The following RBMS3 variants were observed in gnomAD, a reference collection of about 807,000 sequenced individuals.
The protein encoded by RBMS3 is RNA binding motif single stranded interacting protein 3.
Under a neutral mutation model 66.8 loss-of-function variants are expected in RBMS3, and 27 were observed. That is an observed-to-expected ratio of 0.40 (90% CI 0.30 to 0.56). RBMS3 has a LOEUF of 0.56. Among genes scored for constraint, RBMS3 ranks in the 20% least tolerant of loss-of-function variants. The pLI is 0.40. For synonymous variants in RBMS3, 188 were observed against 183.0 expected (o/e 1.03, Z -0.22); for missense variants, 513 against 549.5 (o/e 0.93, Z 0.66).
chr3:29,297,565 A>G (rs2033362095), intron 1 of RBMS3, among the ~76,000 whole-genome samples: 1 of 151,840 alleles, frequency 6.6e-6, no homozygotes, highest in Non-Finnish European at 1.5e-5. Flanking sequence ...TATTTCTTAT[A>G]CTTCTTACAT....
chr3:29,336,157 T>C (rs182901817), intron 1 of RBMS3, among the ~76,000 whole-genome samples: 1 of 148,374 alleles, frequency 6.7e-6, no homozygotes, highest in Non-Finnish European at 1.5e-5. Flanking sequence ...CTCAAACAAG[T>C]AAGAAAAAAT....
At chr3:29,293,582 T>C (rs1408662115) in intron 1 of RBMS3, among the ~76,000 whole-genome samples, 1 of 151,838 alleles carries the variant, frequency 6.6e-6, no homozygotes, top group East Asian at 1.9e-4. Context: ...GGTCCATCTT[T>C]TCTGCCAAAT....
intron 10 of RBMS3, among the ~76,000 whole-genome samples, chr3:29,910,828 G>T (rs560308622): frequency 2.0e-5 from 3 of 151,916 alleles, no homozygotes; most frequent in East Asian, 1.9e-4. Flanking sequence ...GATTAATCAG[G>T]TTTGCTTAAA....
chr3:29,969,714 G>A (rs758589169), intron 12 of RBMS3, among the ~76,000 whole-genome samples: 8 of 152,176 alleles, frequency 5.3e-5, no homozygotes, highest in Non-Finnish European at 1.0e-4. Context: ...TACACTAACT[G>A]TAGAGCCAAT....
intron 1 of RBMS3, among the ~76,000 whole-genome samples, chr3:29,386,864 G>T (rs77356243): frequency 1.3e-5 from 2 of 152,050 alleles, no homozygotes; most frequent in Non-Finnish European, 1.5e-5. Context: ...TTTTGTCAAC[G>T]TCATCAAAGA....
intron 4 of RBMS3, among the ~76,000 whole-genome samples, chr3:29,647,822 A>C (rs1429451760): frequency 6.6e-6 from 1 of 152,220 alleles, no homozygotes; most frequent in Non-Finnish European, 1.5e-5. Context: ...TATAGATAAA[A>C]GTTATTAAGA....
At chr3:29,747,382 G>C (rs1173172230) in intron 5 of RBMS3, among the ~76,000 whole-genome samples, 8 of 132,682 alleles carry the variant, frequency 6.0e-5, no homozygotes, top group South Asian at 5.0e-4. Flanking sequence ...ATCTAGGTAG[G>C]TAGGTAGGTA....
At chr3:29,394,165 G>C (rs2039438434) in intron 1 of RBMS3, among the ~76,000 whole-genome samples, 1 of 152,146 alleles carries the variant, frequency 6.6e-6, no homozygotes, top group African/African-American at 2.4e-5. Flanking sequence ...CAGCCATTTA[G>C]AGACTGCCCC....
intron 3 of RBMS3, among the ~76,000 whole-genome samples, chr3:29,529,242 G>C (rs947306253): frequency 1.3e-5 from 2 of 152,160 alleles, no homozygotes; most frequent in African/African-American, 2.4e-5. Context: ...CTTTGTGATA[G>C]AAGACCCAAA....
intron 8 of RBMS3, among the ~76,000 whole-genome samples, chr3:29,887,489 T>C (rs1218714298): frequency 6.6e-6 from 1 of 151,786 alleles, no homozygotes; most frequent in Non-Finnish European, 1.5e-5. Flanking sequence ...TCCTGCTGCC[T>C]TGTGGAGAAG....
intron 5 of RBMS3, among the ~76,000 whole-genome samples, chr3:29,740,212 G>A (rs1326890543): frequency 1.3e-5 from 2 of 151,994 alleles, no homozygotes; most frequent in African/African-American, 4.8e-5. Flanking sequence ...TAAATGCCCA[G>A]TACCCCAAAG....
intron 3 of RBMS3, among the ~76,000 whole-genome samples, chr3:29,502,791 T>C (rs1330154784): frequency 2.0e-5 from 3 of 152,144 alleles, no homozygotes; most frequent in African/African-American, 7.2e-5. Context: ...AAATTTTAAG[T>C]GGGAAAATAG....
rs796712311 is a variant in RBMS3 at position 29,640,282 on chromosome 3, ACACC to A, written c.399+53081_399+53084del. ...CACACACACACACACACACACACAC[ACACC>A]CACACACACACGAAAGACGGAAAGA... On this transcript the variant is annotated intron_variant, in intron 4 of 14. Transcript: ENST00000383767. Among the ~76,000 whole-genome samples, 451 of 138,932 alleles carry A rather than the reference ACACC, an allele frequency of 3.2e-3. 4 individuals carry two copies. The East Asian group carries it at 0.059, about 18-fold the overall frequency. 91.1% of individuals were successfully genotyped at this position (138,932 alleles called of 152,430 possible). A position where few individuals can be genotyped will look rare whatever the true frequency, so the allele number is the denominator to read the frequency against.
At chr3:29,382,092 C>G (rs927437856) in intron 1 of RBMS3, among the ~76,000 whole-genome samples, 1 of 152,038 alleles carries the variant, frequency 6.6e-6, no homozygotes, top group Non-Finnish European at 1.5e-5. Context: ...TAGAATCATA[C>G]CCCTAATAAA....
intron 4 of RBMS3, among the ~76,000 whole-genome samples, chr3:29,625,690 C>T (rs941094892): frequency 2.3e-5 from 3 of 128,528 alleles, no homozygotes; most frequent in Middle Eastern, 3.7e-3. Context: ...AAGAGTGAAA[C>T]GCCATTAAAG....
chr3:29,446,906 CTTTTT>C (rs11293530), intron 2 of RBMS3, among the ~76,000 whole-genome samples: 1 of 68,582 alleles, frequency 1.5e-5, no homozygotes. Flanking sequence ...ATTAAGCAGT[CTTTTT>C]TTTTTTTTTT....
chr3:29,524,415 ATTT>A (rs1222102515), intron 3 of RBMS3, among the ~76,000 whole-genome samples: 2,097 of 56,744 alleles, frequency 0.037, 11 homozygotes, highest in African/African-American at 0.083. Flanking sequence ...CTCCCTTTAC[ATTT>A]TTTTTTTTTT....
chr3:29,847,748 C>T (rs1341313733), intron 6 of RBMS3, among the ~76,000 whole-genome samples: 3 of 152,098 alleles, frequency 2.0e-5, no homozygotes, highest in East Asian at 3.9e-4. Flanking sequence ...CTCCGCCTTC[C>T]GGGTTCACGC....
chr3:29,558,220 T>C (rs939542443), intron 3 of RBMS3, among the ~76,000 whole-genome samples: 34 of 151,466 alleles, frequency 2.2e-4, no homozygotes, highest in African/African-American at 7.8e-4. Context: ...ACAGGACAAG[T>C]GAAGGAGATA....
Sources: allele counts gnomAD v4.1 joint callset (sites outside exome capture counted in the v4.1 genomes callset), GRCh38; gene constraint gnomAD v4.1.1; transcripts MANE v1.5; gene names NCBI Gene and HGNC (gene_info 2026-07-23, HGNC 2026-07-21).